The following ERVFRD-1 variants were observed in gnomAD, a reference collection of about 807,000 sequenced individuals.
The protein encoded by ERVFRD-1 is syncytin-2.
Under a neutral mutation model 43.8 loss-of-function variants are expected in ERVFRD-1, and 33 were observed. The ratio of observed to expected loss-of-function variants is 0.75; its 90% CI spans 0.57 to 1.01. The LOEUF (loss-of-function observed/expected upper bound fraction) is 1.01, where lower values mean the gene tolerates loss of function less well. Ranked by LOEUF, ERVFRD-1 falls within the 50% of genes least tolerant of loss-of-function variation. The probability of loss-of-function intolerance (pLI) is 0.00; values close to 1 mark genes in which losing one functional copy is unlikely to be tolerated. For missense variants in ERVFRD-1, 568 were observed against 658.4 expected, an observed-to-expected ratio of 0.86 and a Z score of 1.50; for synonymous variants, 239 against 244.4, an observed-to-expected ratio of 0.98 and a Z score of 0.21.
At position 11,102,582 on chromosome 6, in the gene ERVFRD-1, G is replaced by A. The variant is rs751615137; in HGVS notation, c.*1112C>T. The A allele has an allele frequency of 2.0e-5, 3 of 152,172 alleles. No individual in the cohort carries two copies. Among genetic ancestry groups the A allele is most frequent in the Non-Finnish European group, 2.9e-5 (2 of 68,028 alleles). The allele number at this position is 152,172 out of a possible 1,614,324, so 9.4% of individuals were successfully genotyped here. A position where few individuals can be genotyped will look rare whatever the true frequency, so the allele number is the denominator to read the frequency against. On this transcript the variant is annotated 3_prime_UTR_variant, in exon 2 of 2. Transcript: ENST00000472091. ...TGGGTCTCTACTACAGAGGTACAAG[G>A]GGGAAAATTTTATAAGGTTCCCACA...
At position 11,103,872 on chromosome 6, in the gene ERVFRD-1, A is replaced by T; in HGVS notation, c.1439T>A (p.Phe480Tyr). ...GCCTGTAAGGGGAAGAACCCAAGAG[A>T]ACCATTTCCAAGTTCCTTCCCAATT... ...WLNWEGTWKWFSWVLPLTGPL... is the reference protein window; with the variant it reads ...WLNWEGTWKWYSWVLPLTGPL... The change falls in exon 2 of 2, where the codon TTC (phenylalanine) becomes TAC (tyrosine). Residue 480 changes from phenylalanine to tyrosine, a missense_variant. Coordinates refer to ENST00000472091, the MANE Select transcript of ERVFRD-1 (RefSeq NM_207582.3). 2.6e-6 allele frequency: 4 copies of T among 1,551,714 alleles called. No homozygotes were observed. Among genetic ancestry groups the T allele is most frequent in the South Asian group, 2.4e-5 (2 of 84,062 alleles).
Position 11,103,713 on chromosome 6 carries a change from A to G in ERVFRD-1, c.1598T>C (p.Ile533Thr). 6.4e-7 allele frequency: 1 copy of G among 1,551,218 alleles called. No homozygotes were observed. The change falls in exon 2 of 2, where the codon ATT (isoleucine) becomes ACT (threonine). Residue 533 changes from isoleucine to threonine, a missense_variant. Physicochemically the swap from Ile to Thr is moderately conservative, Grantham distance 89. Transcript: ENST00000472091. ...NLSAGRHPRN[I>T]QESPF ...TCCTCCTTAGAAGGGTGACTCTTGA[A>G]TATTGCGAGGATGGCGTCCTGCACT...
At position 11,104,974 on chromosome 6, in the gene ERVFRD-1, T is replaced by C. The variant is rs1581912179; in HGVS notation, c.337A>G (p.Ile113Val). 1 of 1,614,188 alleles carries C rather than the reference T, an allele frequency of 6.2e-7. No homozygotes were observed. Among genetic ancestry groups the C allele is most frequent in the East Asian group, 2.2e-5 (1 of 44,892 alleles). Residue 113 changes from isoleucine (I) to valine (V), a missense_variant, in exon 2 of 2, where the codon ATC becomes GTC. Physicochemically the swap from Ile to Val is conservative, Grantham distance 29. Transcript: ENST00000472091. ...CCCATTAGGTTGATATTAGTAAAGA[T>C]GGGTCCGAAAATGGGAGGTTTCTGG... ...IRQKPPIFGP[I>V]FTNINLMGIA...
At position 11,104,379 on chromosome 6, in the gene ERVFRD-1, C is replaced by G. The variant is rs375838954; in HGVS notation, c.932G>C (p.Ser311Thr). 6.4e-7 allele frequency: 1 copy of G among 1,551,562 alleles called. No homozygotes were observed. The highest frequency in any genetic ancestry group is 2.4e-5 in the East Asian group (1 of 40,940). ...CGQSIHQCLP[S>T]NWTGTCTIGY... is the part of the protein sequence containing the mutation. ...TATGGTACAAGTTCCAGTCCAGTTACTGGGGAGGCATTGGTGAATCGACTG... is the reference window on the plus strand; with the variant it reads ...TATGGTACAAGTTCCAGTCCAGTTAGTGGGGAGGCATTGGTGAATCGACTG... The change falls in exon 2 of 2, where the codon AGT becomes ACT. Residue 311 changes from serine (S) to threonine (T), a missense_variant. Transcript: ENST00000472091.
chr6:11,103,677 C>T lies in ERVFRD-1; in HGVS notation c.*17G>A. On this transcript the variant is annotated 3_prime_UTR_variant, in exon 2 of 2. Coordinates refer to ENST00000472091, the MANE Select transcript of ERVFRD-1 (RefSeq NM_207582.3). ...GCCTCTGTCGTGTTCCACTAGCGAGCAGTCTAGGGGTCCTCCTTAGAAGGG... is the reference window on the plus strand; with the variant it reads ...GCCTCTGTCGTGTTCCACTAGCGAGTAGTCTAGGGGTCCTCCTTAGAAGGG... 3.9e-6 allele frequency: 6 copies of T among 1,525,258 alleles called. No individual in the cohort carries two copies. Among genetic ancestry groups the T allele is most frequent in the African/African-American group, 1.4e-5 (1 of 71,970 alleles). 94.5% of individuals were successfully genotyped at this position (1,525,258 alleles called of 1,614,324 possible).
intron 1 of ERVFRD-1, among the ~76,000 whole-genome samples, chr6:11,108,512 T>G (rs28712814): frequency 0.22 from 32,817 of 152,064 alleles, 3,894 homozygotes; most frequent in African/African-American, 0.31. Flanking sequence ...TGGGGGTGGG[T>G]GTCCCCATCA....
chr6:11,111,170 G>C (rs1294690287), intron 1 of ERVFRD-1, among the ~76,000 whole-genome samples: 2 of 152,142 alleles, frequency 1.3e-5, no homozygotes, highest in South Asian at 2.1e-4. Flanking sequence ...CAAGAGCTGC[G>C]GGTGCATGAA....
intron 1 of ERVFRD-1, among the ~76,000 whole-genome samples, chr6:11,107,147 C>T (rs561770851): frequency 9.2e-5 from 14 of 152,286 alleles, no homozygotes; most frequent in African/African-American, 2.9e-4. Flanking sequence ...TATCTAGGAG[C>T]TGATCTTTTA....
Position 11,104,325 on chromosome 6 carries a change from G to C in ERVFRD-1, c.986C>G (p.Ala329Gly). ...IGYVTPDIFI[A>G]PGNLSLPIPI... ...TATTGGAAGAGAGAGATTGCCAGGG[G>C]CTATGAAGATGTCTGGGGTTACATA... The change falls in exon 2 of 2, where the codon GCC (alanine) becomes GGC (glycine). Residue 329 changes from alanine (A) to glycine (G), a missense_variant. Transcript: ENST00000472091. 1 of 1,551,742 alleles carries C rather than the reference G, an allele frequency of 6.4e-7. No homozygotes were observed. Among genetic ancestry groups the C allele is most frequent in the Non-Finnish European group, 8.7e-7 (1 of 1,147,000 alleles).
Position 11,105,147 on chromosome 6 carries a change from C to T in ERVFRD-1, c.164G>A (p.Gly55Glu). The T allele has an allele frequency of 6.2e-7, 1 of 1,614,146 alleles. No homozygotes were observed. Among genetic ancestry groups the T allele is most frequent in the Non-Finnish European group, 8.5e-7 (1 of 1,180,034 alleles). Residue 55 changes from glycine to glutamate, a missense_variant, in exon 2 of 2, where the codon GGG (glycine) becomes GAG (glutamate). Coordinates refer to ENST00000472091, the MANE Select transcript of ERVFRD-1 (RefSeq NM_207582.3). Reference protein sequence around the residue: ...LCTSSSTETPGTAYPASPREW... With the variant: ...LCTSSSTETPETAYPASPREW... The stretch of plus-strand genomic sequence containing the variant: ...TCTGGGCGAGGCTGGATAAGCTGTC[C>T]CTGGTGTTTCAGTGGAAGAGCTAGT...
intron 1 of ERVFRD-1, among the ~76,000 whole-genome samples, chr6:11,109,793 G>A (rs983783544): frequency 1.3e-5 from 2 of 152,114 alleles, no homozygotes; most frequent in African/African-American, 4.8e-5. Flanking sequence ...AGTTCTTGAG[G>A]ATGTATCCTA....
At chr6:11,105,910 G>C (rs951917844) in intron 1 of ERVFRD-1, among the ~76,000 whole-genome samples, 1 of 152,172 alleles carries the variant, frequency 6.6e-6, no homozygotes, top group African/African-American at 2.4e-5. Flanking sequence ...AGCCTTGAAG[G>C]GGCTTAATTG....
In ERVFRD-1 at chr6:11,104,930, AAC is replaced by A; in HGVS notation, c.379_380del (p.Val127TyrfsTer19). Reference sequence around the variant, plus strand: ...TTGTTCCATTTTTCCTTTTGGCCATAACACAAATAGGGGCTATTCCCATTAGG... The same window carrying A: ...TTGTTCCATTTTTCCTTTTGGCCATAACAAATAGGGGCTATTCCCATTAGG... ...INLMGIAPIC[V>X]MAKRKNGTNV... On this transcript the variant is annotated frameshift_variant, in exon 2 of 2. Coordinates refer to ENST00000472091, the MANE Select transcript of ERVFRD-1 (RefSeq NM_207582.3). LOFTEE classifies it high-confidence loss of function. The A allele has an allele frequency of 6.2e-7, 1 of 1,614,230 alleles. No homozygotes were observed. Among genetic ancestry groups the A allele is most frequent in the Non-Finnish European group, 8.5e-7 (1 of 1,180,032 alleles).
chr6:11,105,455 G>A lies in ERVFRD-1; in HGVS notation c.-145C>T. ...GGATCACCTTACTTTGAGGTGAAAG[G>A]ATGTTGGTGGGGCATTACTTATCTT... is the stretch of plus-strand genomic sequence containing the variant. On this transcript the variant is annotated 5_prime_UTR_variant, in exon 2 of 2. Coordinates refer to ENST00000472091, the MANE Select transcript of ERVFRD-1 (RefSeq NM_207582.3). 3.2e-6 allele frequency: 2 copies of A among 628,266 alleles called. No individual in the cohort carries two copies. Among genetic ancestry groups the A allele is most frequent in the Non-Finnish European group, 5.6e-6 (2 of 355,522 alleles). 38.9% of individuals were successfully genotyped at this position (628,266 alleles called of 1,614,324 possible).
chr6:11,102,498 TA>T lies in ERVFRD-1; in HGVS notation c.*1195del, dbSNP rs1305303694. ...AATCAACTTAGGCACATTAGCATTT[TA>T]GAGAGTTTATTTGAGCAAGGGTGAT... is the stretch of plus-strand genomic sequence containing the variant. On this transcript the variant is annotated 3_prime_UTR_variant, in exon 2 of 2. Coordinates refer to ENST00000472091, the MANE Select transcript of ERVFRD-1 (RefSeq NM_207582.3). The T allele has an allele frequency of 2.0e-5, 3 of 152,218 alleles. No homozygotes were observed. The highest frequency in any genetic ancestry group is 2.9e-5 in the Non-Finnish European group (2 of 68,048). The allele number at this position is 152,218 out of a possible 1,614,324, so 9.4% of individuals were successfully genotyped here.
At chr6:11,110,827 C>A (rs115082527) in intron 1 of ERVFRD-1, among the ~76,000 whole-genome samples, 1 of 152,130 alleles carries the variant, frequency 6.6e-6, no homozygotes. Context: ...ACCCTGCAAA[C>A]GGCAGAGAAT....
At position 11,104,036 on chromosome 6, in the gene ERVFRD-1, T is replaced by C; in HGVS notation, c.1275A>G (p.Ala425=). 1 of 1,551,768 alleles carries C rather than the reference T, an allele frequency of 6.4e-7. No individual in the cohort carries two copies. Among genetic ancestry groups the C allele is most frequent in the South Asian group, 1.2e-5 (1 of 84,068 alleles). The change falls in exon 2 of 2, where the codon GCA becomes GCG. Residue 425 remains alanine (A), a synonymous_variant. Coordinates refer to ENST00000472091, the MANE Select transcript of ERVFRD-1 (RefSeq NM_207582.3). ...AGGCCAAACAAATTCCTCCCTGTGC[T>C]GCCGTTAACATGTCTAGTCCTCGAC... The part of the protein sequence containing the change: ...QNRRGLDMLT[A]AQGGICLALD...
intron 1 of ERVFRD-1, among the ~76,000 whole-genome samples, chr6:11,110,781 G>A (rs1758155188): frequency 6.6e-6 from 1 of 152,182 alleles, no homozygotes; most frequent in African/African-American, 2.4e-5. Flanking sequence ...TTGATATAAA[G>A]GAGGAACCTC....
At chr6:11,111,383 C>T (rs531772003) in intron 1 of ERVFRD-1, among the ~76,000 whole-genome samples, 1 of 152,240 alleles carries the variant, frequency 6.6e-6, no homozygotes, top group South Asian at 2.1e-4. Flanking sequence ...GCAGAGGAAA[C>T]CCCAGATACT....
Sources: allele counts gnomAD v4.1 joint callset (sites outside exome capture counted in the v4.1 genomes callset), GRCh38; gene constraint gnomAD v4.1.1; transcripts MANE v1.5; gene names NCBI Gene and HGNC (gene_info 2026-07-23, HGNC 2026-07-21).